The following ZMYM6 variants were observed in gnomAD, a reference collection of about 807,000 sequenced individuals.
ZMYM6 encodes the protein zinc finger MYM-type containing 6.
In ZMYM6, 90 loss-of-function variants were observed where a neutral mutation model predicts 134.0. The ratio of observed to expected loss-of-function variants is 0.67; its 90% CI spans 0.57 to 0.80. The LOEUF (loss-of-function observed/expected upper bound fraction) is 0.80, where lower values mean the gene tolerates loss of function less well. Ranked by LOEUF, ZMYM6 falls within the 30% of genes least tolerant of loss-of-function variation. The probability of loss-of-function intolerance (pLI) is 0.00; values close to 1 mark genes in which losing one functional copy is unlikely to be tolerated. For missense variants in ZMYM6, 1,362 were observed against 1,533.9 expected (o/e 0.89, Z 1.87); for synonymous variants, 481 against 524.1 (o/e 0.92, Z 1.12).
intron 10 of ZMYM6, among the ~76,000 whole-genome samples, chr1:35,009,356 T>C (rs1428944080): frequency 6.6e-6 from 1 of 152,194 alleles, no homozygotes; most frequent in Admixed American, 6.5e-5. Context: ...TGGCTCGCCT[T>C]GGCCTCCCAA....
At chr1:35,014,638 C>G in intron 6 of ZMYM6, 59 bp downstream of exon 6, 1 of 1,537,326 alleles carries the variant, frequency 6.5e-7, no homozygotes. Flanking sequence ...TAGTTCATCC[C>G]TGTGCAGCCA....
At position 35,010,746 on chromosome 1, in the gene ZMYM6, A is replaced by T; in HGVS notation, c.1341+12T>A. The T allele has an allele frequency of 1.3e-6, 2 of 1,541,036 alleles. No individual in the cohort carries two copies. Among genetic ancestry groups the T allele is most frequent in the Non-Finnish European group, 1.7e-6 (2 of 1,149,484 alleles). Reference sequence around the variant, plus strand: ...GAGTTTATATACAATCCCTTTCATGATCTCTCTTTACCTTGTAAAAAAGAA... The same window carrying T: ...GAGTTTATATACAATCCCTTTCATGTTCTCTCTTTACCTTGTAAAAAAGAA... On this transcript the variant is annotated intron_variant, in intron 9 of 15. Transcript: ENST00000357182.
At chr1:35,005,085 ACACT>A in intron 13 of ZMYM6, 43 bp downstream of exon 13, 1 of 1,608,462 alleles carries the variant, frequency 6.2e-7, no homozygotes, top group Non-Finnish European at 8.5e-7. Context: ...AGGCTAGACA[ACACT>A]CACTTCTATG....
intron 2 of ZMYM6, among the ~76,000 whole-genome samples, chr1:35,024,276 T>C (rs944953727): frequency 5.3e-5 from 8 of 152,236 alleles, no homozygotes; most frequent in South Asian, 2.1e-4. Flanking sequence ...AATACACTTA[T>C]AGTAAAAATC....
At chr1:35,019,310 T>C (rs780112058) in intron 4 of ZMYM6, 43 bp downstream of exon 4, 1 of 1,610,602 alleles carries the variant, frequency 6.2e-7, no homozygotes, top group Admixed American at 1.7e-5. Context: ...ATATACACAC[T>C]AAAAAAAAGG....
intron 7 of ZMYM6, 126 bp from the exon 8 acceptor site, chr1:35,012,131 A>T: frequency 1.5e-6 from 1 of 669,894 alleles, no homozygotes; most frequent in East Asian, 2.9e-5. Flanking sequence ...GAACTTTATA[A>T]AAATCTGAAA....
chr1:34,987,154 C>A lies in ZMYM6; in HGVS notation c.3928G>T (p.Val1310Phe). The change falls in exon 16 of 16, where the codon GTC becomes TTC. Residue 1310 changes from valine to phenylalanine, a missense_variant. This residue lies in a region of ZMYM6 where 824 missense variants were observed against 940.9 expected (regional missense o/e 0.88). Transcript: ENST00000357182. Reference sequence around the variant, plus strand: ...TCTATCCTTGGAATTAAAGATGTGACTGCAAGTCTTAGGGCAGGGCCAGAA... The same window carrying A: ...TCTATCCTTGGAATTAAAGATGTGAATGCAAGTCTTAGGGCAGGGCCAGAA... ...LGSGPALRLAVTSLIPRIEKL... is the reference protein window; with the variant it reads ...LGSGPALRLAFTSLIPRIEKL... 1 of 1,590,202 alleles carries A rather than the reference C, an allele frequency of 6.3e-7. No individual in the cohort carries two copies. The highest frequency in any genetic ancestry group is 2.2e-5 in the East Asian group (1 of 44,646).
chr1:34,988,517 T>TAAC lies in ZMYM6; in HGVS notation c.2564_2565insGTT (p.Pro855_Tyr856insLeu). 1.9e-6 allele frequency: 3 copies of TAAC among 1,550,994 alleles called. No individual in the cohort carries two copies. Among genetic ancestry groups the TAAC allele is most frequent in the Non-Finnish European group, 2.6e-6 (3 of 1,146,740 alleles). On this transcript the variant is annotated inframe_insertion, in exon 16 of 16. Coordinates refer to ENST00000357182, the MANE Select transcript of ZMYM6 (RefSeq NM_007167.4). ...CTTCTGAACACATTTCTACTAAATA[T>TAAC]GGTTTAATTAATTCTTCAGCAATGG... is the stretch of plus-strand genomic sequence containing the variant.
intron 14 of ZMYM6, 199 bp downstream of exon 14, chr1:35,003,769 A>G: frequency 1.9e-6 from 1 of 525,778 alleles, no homozygotes; most frequent in Non-Finnish European, 3.4e-6. Flanking sequence ...CATCATCTTC[A>G]AAAACAGTAA....
chr1:34,990,154 G>A (rs186699328), intron 15 of ZMYM6: 1 of 170,226 alleles, frequency 5.9e-6, no homozygotes, highest in Admixed American at 5.5e-5. Flanking sequence ...CTTTTCAGGA[G>A]GGCAATTTAG....
chr1:35,028,334 T>C (rs1226644706), intron 2 of ZMYM6, among the ~76,000 whole-genome samples: 1 of 150,380 alleles, frequency 6.6e-6, no homozygotes, highest in Non-Finnish European at 1.5e-5. Context: ...AAAAAAGGAA[T>C]GATACTGCCT....
intron 2 of ZMYM6, among the ~76,000 whole-genome samples, chr1:35,025,478 A>C (rs1641394656): frequency 1.4e-5 from 2 of 145,342 alleles, no homozygotes; most frequent in Non-Finnish European, 1.5e-5. Context: ...AAAAAAAAAA[A>C]AAAAAAAAAA....
chr1:35,026,982 T>C (rs1021319633), intron 2 of ZMYM6, among the ~76,000 whole-genome samples: 3 of 152,030 alleles, frequency 2.0e-5, no homozygotes, highest in African/African-American at 7.2e-5. Flanking sequence ...GTAGATACCA[T>C]AATAAAAGTG....
intron 15 of ZMYM6, among the ~76,000 whole-genome samples, chr1:34,991,602 T>C (rs1293990414): frequency 6.6e-6 from 1 of 152,010 alleles, no homozygotes; most frequent in Admixed American, 6.6e-5. Flanking sequence ...AAACCCCGTC[T>C]CTACTAAAAA....
At chr1:35,013,650 A>G in intron 6 of ZMYM6, 3 of 985,376 alleles carry the variant, frequency 3.0e-6, no homozygotes, top group Non-Finnish European at 3.6e-6. Context: ...ACTGAAAAAA[A>G]GTTTAATTAT....
chr1:35,006,184 T>A (rs1264330610), intron 12 of ZMYM6, among the ~76,000 whole-genome samples: 1 of 152,170 alleles, frequency 6.6e-6, no homozygotes, highest in African/African-American at 2.4e-5. Flanking sequence ...ATTTTTGTAT[T>A]TTTAGTAGAG....
In ZMYM6 at chr1:34,988,786, G is replaced by A; in HGVS notation, c.2296C>T (p.Pro766Ser). 1.3e-6 allele frequency: 2 copies of A among 1,551,640 alleles called. No homozygotes were observed. The highest frequency in any genetic ancestry group is 1.7e-6 in the Non-Finnish European group (2 of 1,147,152). The change falls in exon 16 of 16, where the codon CCA (proline) becomes TCA (serine). Residue 766 changes from proline (P) to serine (S), a missense_variant. Transcript: ENST00000357182. The stretch of plus-strand genomic sequence containing the variant: ...ATCTCTCCACAAATGACACACTGTG[G>A]CCTTGGTGAACTTTCTTTTGATCCA... ...CPGSKESSPR[P>S]QCVICGEILS...
At position 34,988,204 on chromosome 1, in the gene ZMYM6, G is replaced by C. The variant is rs531141485; in HGVS notation, c.2878C>G (p.Leu960Val). The change falls in exon 16 of 16, where the codon CTA becomes GTA. Residue 960 changes from leucine to valine, a missense_variant. Physicochemically the swap from Leu to Val is conservative, Grantham distance 32. Around this residue, in one of 3 missense-constraint regions of ZMYM6, gnomAD observed 824 missense variants for 940.9 expected, o/e 0.88. Coordinates refer to ENST00000357182, the MANE Select transcript of ZMYM6 (RefSeq NM_007167.4). The part of the protein sequence containing the change: ...TQITGFEIFE[L>V]INKYIDSKSL... ...TTACTATCAATATATTTATTTATTAGTTCAAATATTTCAAAGCCAGTTATT... is the reference window on the plus strand; with the variant it reads ...TTACTATCAATATATTTATTTATTACTTCAAATATTTCAAAGCCAGTTATT... 5 of 1,548,508 alleles carry C rather than the reference G, an allele frequency of 3.2e-6. No homozygotes were observed. In the Admixed American group the frequency reaches 7.9e-5, roughly 24 times the overall value.
At chr1:35,017,829 G>A (rs1471676535) in intron 4 of ZMYM6, 1 of 152,010 alleles carries the variant, frequency 6.6e-6, no homozygotes, top group African/African-American at 2.4e-5. Flanking sequence ...CACTGACGGG[G>A]GTGACTACTT....
Sources: gnomAD v4.1 joint callset for allele counts (sites outside exome capture counted in the v4.1 genomes callset) on GRCh38, gnomAD v4.1.1 for gene constraint, gnomAD v4.1.1 regional missense constraint, MANE v1.5 for transcripts, NCBI Gene and HGNC (gene_info 2026-07-23, HGNC 2026-07-21) for gene names.